MYRIP: variants seen among roughly 807,000 people sequenced by gnomAD.
MYRIP encodes the protein rab effector MyRIP.
In MYRIP, 49 loss-of-function variants were observed where a neutral mutation model predicts 98.0. The observed-to-expected ratio is 0.50, with a 90% confidence interval of 0.40 to 0.63. The LOEUF (loss-of-function observed/expected upper bound fraction) is 0.63, where lower values mean the gene tolerates loss of function less well. Among genes scored for constraint, MYRIP ranks in the 30% least tolerant of loss-of-function variants. MYRIP has a pLI of 0.00. For missense variants in MYRIP, 1,004 were observed against 1,058.2 expected (o/e 0.95, Z 0.71); for synonymous variants, 404 against 409.5 (o/e 0.99, Z 0.16).
intron 2 of MYRIP, among the ~76,000 whole-genome samples, chr3:39,978,915 G>A (rs1243477841): frequency 6.6e-6 from 1 of 151,366 alleles, no homozygotes; most frequent in Admixed American, 6.6e-5. Context: ...CTTTCAACAT[G>A]ATATTTGATG....
chr3:39,818,590 T>C (rs956511142), intron 1 of MYRIP, among the ~76,000 whole-genome samples: 2 of 151,040 alleles, frequency 1.3e-5, no homozygotes, highest in African/African-American at 4.9e-5. Flanking sequence ...TACCTTTCCA[T>C]CATATGAAAT....
intron 1 of MYRIP, among the ~76,000 whole-genome samples, chr3:39,819,731 G>A (rs1365164565): frequency 6.6e-6 from 1 of 152,242 alleles, no homozygotes; most frequent in African/African-American, 2.4e-5. Context: ...ATGGTTGGGG[G>A]ATGGGCTGGA....
intron 2 of MYRIP, among the ~76,000 whole-genome samples, chr3:40,023,644 C>CA (rs1947054845): frequency 6.6e-6 from 1 of 152,124 alleles, no homozygotes; most frequent in Admixed American, 6.5e-5. Flanking sequence ...CCTCCAGTCT[C>CA]ACACAAATGC....
At chr3:40,192,330 T>TATATATATATTTC (rs1951252024) in intron 10 of MYRIP, among the ~76,000 whole-genome samples, 1 of 100,092 alleles carries the variant, frequency 1.0e-5, no homozygotes. Context: ...ATATATGTCA[T>TATATATATATTTC]ATATATATAT....
chr3:40,052,219 C>T (rs72871451), intron 3 of MYRIP, among the ~76,000 whole-genome samples: 3,734 of 152,098 alleles, frequency 0.025, 150 homozygotes, highest in African/African-American at 0.083. Context: ...TGGTAACCAC[C>T]GAAATTCTAC....
At position 40,066,756 on chromosome 3, in the gene MYRIP, G is replaced by C. The variant is rs1559386303; in HGVS notation, c.332+22485G>C. On this transcript the variant is annotated intron_variant, in intron 3 of 16. Coordinates refer to ENST00000302541, the MANE Select transcript of MYRIP (RefSeq NM_015460.4). Reference sequence around the variant, plus strand: ...TCACTTGGATAAGGCTGCAGGTTATGTTATAGGAGCAAATGAATGATTAAA... The same window carrying C: ...TCACTTGGATAAGGCTGCAGGTTATCTTATAGGAGCAAATGAATGATTAAA... 1.3e-5 allele frequency among the ~76,000 whole-genome samples: 2 copies of C among 152,214 alleles called. 1 individual carries two copies. The highest frequency in any genetic ancestry group is 2.9e-5 in the Non-Finnish European group (2 of 68,038).
chr3:39,998,843 G>A (rs916178616), intron 2 of MYRIP, among the ~76,000 whole-genome samples: 1 of 152,104 alleles, frequency 6.6e-6, no homozygotes, highest in African/African-American at 2.4e-5. Flanking sequence ...TAGACCAATG[G>A]AACACAACGG....
intron 3 of MYRIP, among the ~76,000 whole-genome samples, chr3:40,064,701 T>C (rs548155662): frequency 6.6e-6 from 1 of 152,178 alleles, no homozygotes; most frequent in African/African-American, 2.4e-5. Context: ...TGATCTGTTC[T>C]CCTGACTTCA....
At chr3:40,249,584 AG>A (rs1270702264) in intron 13 of MYRIP, among the ~76,000 whole-genome samples, 1 of 152,206 alleles carries the variant, frequency 6.6e-6, no homozygotes, top group Non-Finnish European at 1.5e-5. Flanking sequence ...GGGGAGGACC[AG>A]GGTTCTCTCT....
chr3:39,837,467 T>G lies in MYRIP; in HGVS notation c.-31+27551T>G, dbSNP rs148066582. Among the ~76,000 whole-genome samples, 5 of 152,350 alleles carry G rather than the reference T, an allele frequency of 3.3e-5. No homozygotes were observed. The East Asian group carries it at 5.8e-4, about 18-fold the overall frequency. ...AGTTTTCCTAACACCATTTATTAAA[T>G]AGGGAATCCTTTCCCCATTGCTTGT... On this transcript the variant is annotated intron_variant, in intron 1 of 16. Transcript: ENST00000302541.
rs528258038 is a variant in MYRIP at position 40,041,162 on chromosome 3, T to G, written c.111-2888T>G. On this transcript the variant is annotated intron_variant, in intron 2 of 16. Transcript: ENST00000302541. ...TCTTTGTATGTAGAATGTCAACCAATAAATGTAGAAGGCATTATGGAGTTA... is the reference window on the plus strand; with the variant it reads ...TCTTTGTATGTAGAATGTCAACCAAGAAATGTAGAAGGCATTATGGAGTTA... 2.1e-5 allele frequency among the ~76,000 whole-genome samples: 3 copies of G among 141,086 alleles called. No individual in the cohort carries two copies. In the East Asian group the frequency reaches 6.2e-4, roughly 29 times the overall value. The allele number at this position is 141,086 out of a possible 152,430, so 92.6% of individuals were successfully genotyped here.
intron 2 of MYRIP, among the ~76,000 whole-genome samples, chr3:39,965,309 G>A (rs1945414377): frequency 6.6e-6 from 1 of 151,996 alleles, no homozygotes; most frequent in African/African-American, 2.4e-5. Context: ...ATGTAACTCT[G>A]AATTGCATTA....
intron 2 of MYRIP, among the ~76,000 whole-genome samples, chr3:40,033,202 G>A (rs1294256289): frequency 6.9e-6 from 1 of 144,930 alleles, no homozygotes; most frequent in South Asian, 2.2e-4. Flanking sequence ...TCAACATAGT[G>A]TTGGAAGTTC....
At chr3:39,890,517 T>G (rs1943457621) in intron 1 of MYRIP, among the ~76,000 whole-genome samples, 1 of 152,238 alleles carries the variant, frequency 6.6e-6, no homozygotes, top group South Asian at 2.1e-4. Context: ...AAAAACTTAA[T>G]ATTTTTGTAT....
At chr3:40,076,850 C>T (rs559992242) in intron 3 of MYRIP, among the ~76,000 whole-genome samples, 1 of 152,312 alleles carries the variant, frequency 6.6e-6, no homozygotes, top group East Asian at 1.9e-4. Flanking sequence ...AATTACAACA[C>T]CAGAGATTAT....
At chr3:39,911,205 C>T (rs1238374803) in intron 2 of MYRIP, among the ~76,000 whole-genome samples, 3 of 152,108 alleles carry the variant, frequency 2.0e-5, no homozygotes, top group East Asian at 1.9e-4. Flanking sequence ...TCTTTGGCGC[C>T]GTAAAGTTAT....
chr3:40,240,250 G>C (rs1469703773), intron 12 of MYRIP, among the ~76,000 whole-genome samples: 7 of 152,138 alleles, frequency 4.6e-5, no homozygotes, highest in Admixed American at 3.9e-4. Context: ...GGGCTCTGTT[G>C]TGTTCCATTG....
intron 2 of MYRIP, among the ~76,000 whole-genome samples, chr3:39,981,384 T>C (rs1045684801): frequency 3.3e-4 from 51 of 152,344 alleles, no homozygotes; most frequent in African/African-American, 1.2e-3. Context: ...GGGCTCTTTT[T>C]ACAATTTTTT....
chr3:40,131,026 T>C (rs1949627206), intron 3 of MYRIP, among the ~76,000 whole-genome samples: 1 of 152,170 alleles, frequency 6.6e-6, no homozygotes, highest in African/African-American at 2.4e-5. Flanking sequence ...TGAAAAAATA[T>C]GCCTGTATTG....
Sources: gnomAD v4.1 joint callset for allele counts (sites outside exome capture counted in the v4.1 genomes callset) on GRCh38, gnomAD v4.1.1 for gene constraint, MANE v1.5 for transcripts, NCBI Gene and HGNC (gene_info 2026-07-23, HGNC 2026-07-21) for gene names.